Variants in TBL1X observed in about 807,000 individuals in gnomAD.
TBL1X encodes F-box-like/WD repeat-containing protein TBL1X.
Under a neutral mutation model 50.7 loss-of-function variants are expected in TBL1X, and 10 were observed. That is an observed-to-expected ratio of 0.20 (90% CI 0.12 to 0.33). The LOEUF (loss-of-function observed/expected upper bound fraction) is 0.33. Ranked by LOEUF, TBL1X falls within the 10% of genes least tolerant of loss-of-function variation. TBL1X has a pLI of 1.00. For missense variants in TBL1X, 340 were observed against 504.4 expected (o/e 0.67, Z 3.12); for synonymous variants, 190 against 214.7 (o/e 0.88, Z 1.01).
chrX:9,622,801 C>A (rs954458955), intron 2 of TBL1X, among the ~76,000 whole-genome samples: 1 of 112,126 alleles, frequency 8.9e-6, no homozygotes, highest in African/African-American at 3.2e-5. Context: ...TGTGCCTGAA[C>A]AGAATTTCAT....
At chrX:9,665,220 CCAAAAGCA>C in intron 5 of TBL1X, among the ~76,000 whole-genome samples, 1 of 107,474 alleles carries the variant, frequency 9.3e-6, no homozygotes, top group Non-Finnish European at 1.9e-5. Context: ...AGAAAGTCTG[CCAAAAGCA>C]TTCTCTGGCA....
chrX:9,666,287 A>G (rs2082930343), intron 5 of TBL1X, among the ~76,000 whole-genome samples: 1 of 111,776 alleles, frequency 8.9e-6, no homozygotes, highest in South Asian at 3.8e-4. Flanking sequence ...CAGTAATCCA[A>G]TGAAGAAACT....
chrX:9,615,965 A>G (rs984732149), intron 2 of TBL1X, among the ~76,000 whole-genome samples: 8 of 112,320 alleles, frequency 7.1e-5, no homozygotes, highest in Non-Finnish European at 1.5e-4. Context: ...AACACATTGA[A>G]TGAACCAGCA....
intron 2 of TBL1X, among the ~76,000 whole-genome samples, chrX:9,609,733 A>G (rs1040315465): frequency 9.0e-6 from 1 of 111,264 alleles, no homozygotes; most frequent in Non-Finnish European, 1.9e-5. Context: ...GGGCTGGGGC[A>G]CAGGCCTCTC....
chrX:9,691,550 C>T (rs368374742), intron 7 of TBL1X, 29 bp from the exon 8 acceptor site: 26 of 1,202,973 alleles, frequency 2.2e-5, no homozygotes, highest in Non-Finnish European at 2.6e-5. Context: ...ATTGGTAAGC[C>T]ACTTGTCTCT....
chrX:9,607,288 G>A (rs901683635), intron 2 of TBL1X, among the ~76,000 whole-genome samples: 1 of 112,950 alleles, frequency 8.9e-6, no homozygotes, highest in Non-Finnish European at 1.9e-5. Flanking sequence ...CTGACTTATC[G>A]GACATTTCGC....
chrX:9,612,950 CTG>C (rs1321846688), intron 2 of TBL1X, among the ~76,000 whole-genome samples: 1 of 107,973 alleles, frequency 9.3e-6, no homozygotes, highest in Non-Finnish European at 1.9e-5. Flanking sequence ...AAAAAAAAAA[CTG>C]TATTATCAAC....
intron 2 of TBL1X, among the ~76,000 whole-genome samples, chrX:9,506,631 A>G (rs1185329328): frequency 2.7e-5 from 3 of 112,099 alleles, no homozygotes; most frequent in Non-Finnish European, 5.6e-5. Flanking sequence ...CAGAAATACA[A>G]ACTACTATCA....
chrX:9,519,203 C>G (rs749070), intron 2 of TBL1X, among the ~76,000 whole-genome samples: 2,847 of 111,544 alleles, frequency 0.026, 79 homozygotes, highest in African/African-American at 0.087. Flanking sequence ...ACAGTTGCCA[C>G]CATATGGTAT....
intron 2 of TBL1X, among the ~76,000 whole-genome samples, chrX:9,575,565 A>C (rs1224806714): frequency 1.8e-5 from 2 of 111,686 alleles, no homozygotes; most frequent in Non-Finnish European, 3.8e-5. Flanking sequence ...AGATTATACT[A>C]TCTGTTCATC....
intron 3 of TBL1X, among the ~76,000 whole-genome samples, chrX:9,653,022 G>A (rs894959637): frequency 1.8e-5 from 2 of 111,233 alleles, no homozygotes; most frequent in African/African-American, 3.3e-5. Flanking sequence ...AAAATTAGCC[G>A]GGCGTATTGG....
intron 2 of TBL1X, among the ~76,000 whole-genome samples, chrX:9,635,374 A>G (rs977974446): frequency 3.6e-5 from 4 of 109,923 alleles, no homozygotes; most frequent in African/African-American, 9.9e-5. Context: ...CGTGATGCCA[A>G]TCCCATGCTT....
chrX:9,710,826 C>G (rs1351107696), intron 15 of TBL1X, among the ~76,000 whole-genome samples: 2 of 112,061 alleles, frequency 1.8e-5, no homozygotes, highest in African/African-American at 3.2e-5. Flanking sequence ...AGTGATCCTC[C>G]CACCTTGGCC....
At chrX:9,572,832 G>A (rs1354632699) in intron 2 of TBL1X, among the ~76,000 whole-genome samples, 4 of 112,489 alleles carry the variant, frequency 3.6e-5, no homozygotes, top group African/African-American at 1.3e-4. Flanking sequence ...TCATTTGCTA[G>A]GGTTGCCATA....
chrX:9,630,716 C>G (rs1176476829), intron 2 of TBL1X, among the ~76,000 whole-genome samples: 1 of 111,524 alleles, frequency 9.0e-6, no homozygotes, highest in Non-Finnish European at 1.9e-5. Flanking sequence ...GCTGGGACTA[C>G]AGGCGTGAGC....
intron 5 of TBL1X, among the ~76,000 whole-genome samples, chrX:9,666,290 A>G (rs777324461): frequency 8.9e-4 from 100 of 111,785 alleles, no homozygotes; most frequent in Middle Eastern, 9.2e-3. Context: ...TAATCCAATG[A>G]AGAAACTTAA....
chrX:9,693,172 G>A lies in TBL1X; in HGVS notation c.915G>A (p.Thr305=), dbSNP rs747527502. ...DWNTNGTLLA[T]GSYDGFARIW... ...AGACCAATGGAACACTCTTGGCTAC[G>A]GGTTCATATGACGGTTTTGCAAGAA... Residue 305 remains threonine, a synonymous_variant, in exon 10 of 18, where the codon ACG becomes ACA. Coordinates refer to ENST00000645353, the MANE Select transcript of TBL1X (RefSeq NM_005647.4). The A allele has an allele frequency of 1.7e-5, 20 of 1,209,583 alleles. No individual in the cohort carries two copies. The African/African-American group carries it at 1.8e-4, about 11-fold the overall frequency.
At chrX:9,555,052 ATGGAT>A (rs1467926143) in intron 2 of TBL1X, among the ~76,000 whole-genome samples, 17 of 111,833 alleles carry the variant, frequency 1.5e-4, no homozygotes, top group African/African-American at 5.5e-4. Flanking sequence ...ATGTCATAGC[ATGGAT>A]TGATCCTTCA....
chrX:9,466,574 G>T (rs758516970), intron 1 of TBL1X, among the ~76,000 whole-genome samples: 134 of 112,304 alleles, frequency 1.2e-3, no homozygotes, highest in Non-Finnish European at 7.9e-4. Flanking sequence ...GTCATGTGTG[G>T]TTTGACCTGC....
Sources: gnomAD v4.1 joint callset for allele counts (sites outside exome capture counted in the v4.1 genomes callset) on GRCh38, gnomAD v4.1.1 for gene constraint, MANE v1.5 for transcripts, NCBI Gene and HGNC (gene_info 2026-07-23, HGNC 2026-07-21) for gene names.